Variants in MAVS observed in about 807,000 individuals in gnomAD.
The protein encoded by MAVS is mitochondrial antiviral signaling protein, also known as mitochondrial antiviral-signaling protein.
Under a neutral mutation model 30.2 loss-of-function variants are expected in MAVS, and 20 were observed. The ratio of observed to expected loss-of-function variants is 0.66; its 90% CI spans 0.47 to 0.96. The LOEUF is 0.96. Ranked by LOEUF, MAVS falls within the 40% of genes least tolerant of loss-of-function variation. MAVS has a pLI of 0.00. For synonymous variants in MAVS, 278 were observed against 293.9 expected, an observed-to-expected ratio of 0.95 and a Z score of 0.55; for missense variants, 624 against 701.1, an observed-to-expected ratio of 0.89 and a Z score of 1.24.
At chr20:3,855,342 C>T (rs2089800897) in intron 2 of MAVS, among the ~76,000 whole-genome samples, 1 of 152,112 alleles carries the variant, frequency 6.6e-6, no homozygotes, top group South Asian at 2.1e-4. Context: ...TTTTTTGGAA[C>T]CTCCTATTTC....
rs2089794198 is a variant in MAVS, at chr20:3,854,688, G to A, written c.64G>A (p.Val22Met). 4 of 1,613,836 alleles carry A rather than the reference G, an allele frequency of 2.5e-6. No individual in the cohort carries two copies. The highest frequency in any genetic ancestry group is 3.4e-6 in the Non-Finnish European group (4 of 1,179,960). Residue 22 changes from valine to methionine, a missense_variant, in exon 2 of 7, where the codon GTG becomes ATG. Transcript: ENST00000428216. ...ICRNFSNFCNVDVVEILPYLP... is the reference protein window; with the variant it reads ...ICRNFSNFCNMDVVEILPYLP... Reference sequence around the variant, plus strand: ...CCGCAATTTCAGCAATTTTTGCAATGTGGATGTTGTAGAGATTCTGCCTTA... The same window carrying A: ...CCGCAATTTCAGCAATTTTTGCAATATGGATGTTGTAGAGATTCTGCCTTA...
chr20:3,865,591 A>T lies in MAVS; in HGVS notation c.1159-92A>T. On this transcript the variant is annotated intron_variant, in intron 6 of 6. Transcript: ENST00000428216. The surrounding 1 kb of genome is among the most constrained non-coding windows in gnomAD (Gnocchi z 4.7). ...TTGGGAATTGAGGGGTTGGAGTGTT[A>T]GTTCATGCCCTGGCCTGGGAATGGG... 8.5e-7 allele frequency: 1 copy of T among 1,183,134 alleles called. No individual in the cohort carries two copies. The highest frequency in any genetic ancestry group is 1.2e-6 in the Non-Finnish European group (1 of 852,986). 73.3% of individuals were successfully genotyped at this position (1,183,134 alleles called of 1,614,324 possible). A position where few individuals can be genotyped will look rare whatever the true frequency, so the allele number is the denominator to read the frequency against.
rs1008592725 is a variant in MAVS at position 3,871,707 on chromosome 20, A to G, written c.*5560A>G. ...TGATAGCACCCCCACCTCCAGGGAAAGTGAGTTCAGAGTCCTTGGTCTAAT... is the reference window on the plus strand; with the variant it reads ...TGATAGCACCCCCACCTCCAGGGAAGGTGAGTTCAGAGTCCTTGGTCTAAT... On this transcript the variant is annotated 3_prime_UTR_variant, in exon 7 of 7. Transcript: ENST00000428216. The G allele has an allele frequency of 5.3e-5, 8 of 152,356 alleles. No homozygotes were observed. The highest frequency in any genetic ancestry group is 1.3e-4 in the Admixed American group (2 of 15,268). 9.4% of individuals were successfully genotyped at this position (152,356 alleles called of 1,614,324 possible).
chr20:3,847,256 G>A (rs537120965), intron 1 of MAVS, among the ~76,000 whole-genome samples: 25 of 152,226 alleles, frequency 1.6e-4, no homozygotes, highest in Admixed American at 1.4e-3. Flanking sequence ...GTGGGGCCGA[G>A]CCTCGACCGG....
intron 3 of MAVS, among the ~76,000 whole-genome samples, chr20:3,858,927 G>A (rs2089837361): frequency 6.6e-6 from 1 of 151,660 alleles, no homozygotes; most frequent in African/African-American, 2.4e-5. Context: ...AGCCTCCAGA[G>A]TAGCTGGGAC....
At chr20:3,859,126 C>T (rs922418420) in intron 3 of MAVS, among the ~76,000 whole-genome samples, 32 of 123,258 alleles carry the variant, frequency 2.6e-4, no homozygotes, top group Non-Finnish European at 4.8e-4. Flanking sequence ...CCCTTCCTTG[C>T]TTTTCCTCCC....
At chr20:3,850,203 G>C (rs1184824846) in intron 1 of MAVS, among the ~76,000 whole-genome samples, 5 of 149,788 alleles carry the variant, frequency 3.3e-5, no homozygotes, top group African/African-American at 1.2e-4. Context: ...TGTGAACCCG[G>C]GAGGCGGAGC....
intron 2 of MAVS, among the ~76,000 whole-genome samples, chr20:3,856,753 G>A (rs1287265190): frequency 6.6e-6 from 1 of 151,962 alleles, no homozygotes; most frequent in Non-Finnish European, 1.5e-5. Context: ...AAACTCTAGG[G>A]CTGGGCACGG....
rs2089968789 is a variant in MAVS at position 3,873,317 on chromosome 20, T to C, written c.*7170T>C. 6.6e-6 allele frequency: 1 copy of C among 152,106 alleles called. No homozygotes were observed. Among genetic ancestry groups the C allele is most frequent in the Non-Finnish European group, 1.5e-5 (1 of 68,026 alleles). 9.4% of individuals were successfully genotyped at this position (152,106 alleles called of 1,614,324 possible). A position where few individuals can be genotyped will look rare whatever the true frequency, so the allele number is the denominator to read the frequency against. On this transcript the variant is annotated 3_prime_UTR_variant, in exon 7 of 7. Coordinates refer to ENST00000428216, the MANE Select transcript of MAVS (RefSeq NM_020746.5). ...GGATGCTGGCAGGGGGCAGATCACT[T>C]GAAGCCAGGAGTCTGAGATCAGCCT...
At position 3,861,432 on chromosome 20, in the gene MAVS, C is replaced by T. The variant is rs1600452038; in HGVS notation, c.393C>T (p.Asn131=). The change falls in exon 4 of 7, where the codon AAC becomes AAT. Residue 131 remains asparagine (N), a synonymous_variant. Transcript: ENST00000428216. ...TPAAAHSIPY[N]SCREKEPSYP... is the part of the protein sequence containing the mutation. ...CTGCGGCCCACAGCATCCCCTACAA[C>T]AGCTGCAGAGAGAAGGAGCCAAGTT... is the stretch of plus-strand genomic sequence containing the variant. 1 of 1,614,124 alleles carries T rather than the reference C, an allele frequency of 6.2e-7. No homozygotes were observed. The highest frequency in any genetic ancestry group is 1.3e-5 in the African/African-American group (1 of 75,034).
At position 3,864,279 on chromosome 20, in the gene MAVS, T is replaced by C; in HGVS notation, c.649T>C (p.Ser217Pro). The change falls in exon 6 of 7, where the codon TCC becomes CCC. Residue 217 changes from serine to proline, a missense_variant. Ser to Pro is a moderately conservative substitution (Grantham distance 74). Transcript: ENST00000428216. ...AGGTGCGACCTCCAGCCTCACACCATCCCGTGGGCCTGTGTCTCCATCTGT... is the reference window on the plus strand; with the variant it reads ...AGGTGCGACCTCCAGCCTCACACCACCCCGTGGGCCTGTGTCTCCATCTGT... ...TAGATSSLTP[S>P]RGPVSPSVSF... The C allele has an allele frequency of 1.2e-6, 2 of 1,611,268 alleles. No individual in the cohort carries two copies. Among genetic ancestry groups the C allele is most frequent in the Non-Finnish European group, 8.5e-7 (1 of 1,178,464 alleles).
At position 3,865,358 on chromosome 20, in the gene MAVS, C is replaced by G. The variant is rs949799920; in HGVS notation, c.1159-325C>G. ...TGGGCACATGGCCAGGCCTCTGACC[C>G]TGTGGCTGCTCTCTAGTTCTCAGGC... On this transcript the variant is annotated intron_variant, in intron 6 of 6. Transcript: ENST00000428216. The surrounding 1 kb of genome is among the most constrained non-coding windows in gnomAD (Gnocchi z 4.7). 1.3e-5 allele frequency among the ~76,000 whole-genome samples: 2 copies of G among 152,202 alleles called. No homozygotes were observed. The highest frequency in any genetic ancestry group is 2.9e-5 in the Non-Finnish European group (2 of 68,030).
intron 1 of MAVS, among the ~76,000 whole-genome samples, chr20:3,853,673 A>G (rs1318638271): frequency 6.6e-6 from 1 of 152,086 alleles, no homozygotes; most frequent in Non-Finnish European, 1.5e-5. Flanking sequence ...GCAGGTTTGT[A>G]GTTCCAGCTA....
chr20:3,847,165 G>A (rs2089716098), intron 1 of MAVS, among the ~76,000 whole-genome samples: 1 of 152,196 alleles, frequency 6.6e-6, no homozygotes, highest in Non-Finnish European at 1.5e-5. Context: ...TGCTCAGGCT[G>A]GGGGAAAGGT....
At chr20:3,847,260 C>A (rs143491299) in intron 1 of MAVS, among the ~76,000 whole-genome samples, 4 of 152,192 alleles carry the variant, frequency 2.6e-5, no homozygotes, top group African/African-American at 9.6e-5. Context: ...GGCCGAGCCT[C>A]GACCGGGTGC....
At chr20:3,859,111 T>C (rs1045672630) in intron 3 of MAVS, among the ~76,000 whole-genome samples, 1 of 150,290 alleles carries the variant, frequency 6.7e-6, no homozygotes, top group African/African-American at 2.5e-5. Context: ...TTTTCTCTCC[T>C]TTTTCCCTTC....
chr20:3,860,631 T>C (rs1055941119), intron 3 of MAVS, among the ~76,000 whole-genome samples: 2 of 151,752 alleles, frequency 1.3e-5, no homozygotes, highest in Non-Finnish European at 2.9e-5. Context: ...CACTTCGGCC[T>C]CCCAAAGTGC....
chr20:3,859,516 A>AC (rs2089845900), intron 3 of MAVS, among the ~76,000 whole-genome samples: 2 of 119,734 alleles, frequency 1.7e-5, no homozygotes, highest in South Asian at 5.0e-4. Flanking sequence ...TCCAAAAAAA[A>AC]AAAACCCAAA....
Position 3,866,796 on chromosome 20 carries a change from T to C in MAVS, c.*649T>C. ...GCAGCTGTCAGGCCTGAGGAAGACC[T>C]GTGGAGCTCCTCTCCAGCCTCCTCT... On this transcript the variant is annotated 3_prime_UTR_variant, in exon 7 of 7. Transcript: ENST00000428216. 2.3e-6 allele frequency: 1 copy of C among 427,128 alleles called. No individual in the cohort carries two copies. Among genetic ancestry groups the C allele is most frequent in the East Asian group, 7.0e-5 (1 of 14,344 alleles). The allele number at this position is 427,128 out of a possible 1,614,324, so 26.5% of individuals were successfully genotyped here. A position where few individuals can be genotyped will look rare whatever the true frequency, so the allele number is the denominator to read the frequency against.
Sources: allele counts gnomAD v4.1 joint callset (sites outside exome capture counted in the v4.1 genomes callset), GRCh38; gene constraint gnomAD v4.1.1; non-coding constraint Gnocchi (gnomAD v3.1); transcripts MANE v1.5; gene names NCBI Gene and HGNC (gene_info 2026-07-23, HGNC 2026-07-21).